Variants in CLSTN2 observed in about 807,000 individuals in gnomAD.
CLSTN2 encodes calsyntenin-2.
In CLSTN2, 48 loss-of-function variants were observed where a neutral mutation model predicts 101.2. That is an observed-to-expected ratio of 0.47 (90% CI 0.38 to 0.60). CLSTN2 has a LOEUF of 0.60. Ranked by LOEUF, CLSTN2 falls within the 20% of genes least tolerant of loss-of-function variation. CLSTN2 has a pLI of 0.00. For synonymous variants in CLSTN2, 481 were observed against 463.6 expected (o/e 1.04, Z -0.48); for missense variants, 1,160 against 1,238.2 (o/e 0.94, Z 0.95).
intron 2 of CLSTN2, among the ~76,000 whole-genome samples, chr3:140,374,632 T>C (rs1208002488): frequency 6.6e-6 from 1 of 152,206 alleles, no homozygotes; most frequent in East Asian, 1.9e-4. Flanking sequence ...AATTTTAATT[T>C]TTAAGACCAA....
At chr3:140,044,136 C>G (rs1166394925) in intron 1 of CLSTN2, among the ~76,000 whole-genome samples, 1 of 152,056 alleles carries the variant, frequency 6.6e-6, no homozygotes, top group African/African-American at 2.4e-5. Context: ...GCCATTTTCA[C>G]GATATTGATT....
intron 7 of CLSTN2, among the ~76,000 whole-genome samples, chr3:140,465,923 A>G (rs1349479951): frequency 6.6e-6 from 1 of 152,224 alleles, no homozygotes; most frequent in Non-Finnish European, 1.5e-5. Context: ...AATTGGTCAA[A>G]GAACATTTCC....
intron 1 of CLSTN2, among the ~76,000 whole-genome samples, chr3:139,954,674 G>T (rs1935357124): frequency 6.6e-6 from 1 of 152,088 alleles, no homozygotes; most frequent in Non-Finnish European, 1.5e-5. Context: ...TATTTTCCCA[G>T]AGCACCTATA....
At chr3:140,556,489 A>G (rs370399132) in intron 10 of CLSTN2, 24 bp from the exon 11 acceptor site, 15 of 1,613,364 alleles carry the variant, frequency 9.3e-6, no homozygotes, top group African/African-American at 1.3e-5. Context: ...ATTCTCTTCC[A>G]TGATGCTCAC....
At chr3:140,459,400 A>C (rs1933498880) in intron 6 of CLSTN2, 121 bp from the exon 7 acceptor site, 1 of 1,119,454 alleles carries the variant, frequency 8.9e-7, no homozygotes, top group East Asian at 2.4e-5. Context: ...CACATAGCTC[A>C]TGGTTAGGCA....
At chr3:140,219,895 C>T (rs1370398142) in intron 2 of CLSTN2, among the ~76,000 whole-genome samples, 1 of 152,196 alleles carries the variant, frequency 6.6e-6, no homozygotes, top group Admixed American at 6.5e-5. Context: ...AGTACTCTCT[C>T]TTTTCTGTAC....
chr3:140,419,671 ATATG>A lies in CLSTN2; in HGVS notation c.638-1450_638-1447del, dbSNP rs1201242099. 3.4e-4 allele frequency among the ~76,000 whole-genome samples: 21 copies of A among 61,926 alleles called. 5 individuals are homozygous for A. Among genetic ancestry groups the A allele is most frequent in the Non-Finnish European group, 5.4e-4 (21 of 39,042 alleles). 40.6% of individuals were successfully genotyped at this position (61,926 alleles called of 152,430 possible). ...TGTACACGTATATATACATATATGA[ATATG>A]TATATACGTATATATACGTATATGA... is the stretch of plus-strand genomic sequence containing the variant. On this transcript the variant is annotated intron_variant, in intron 4 of 16. Transcript: ENST00000458420.
At chr3:140,371,800 G>T (rs1015656096) in intron 2 of CLSTN2, among the ~76,000 whole-genome samples, 1 of 152,294 alleles carries the variant, frequency 6.6e-6, no homozygotes, top group East Asian at 1.9e-4. Flanking sequence ...TGGTCTGGAA[G>T]CTTCACATTA....
chr3:140,243,127 G>A (rs80174111), intron 2 of CLSTN2, among the ~76,000 whole-genome samples: 3 of 152,260 alleles, frequency 2.0e-5, no homozygotes, highest in East Asian at 1.9e-4. Context: ...GGGAATAAAG[G>A]CCTTCTCAAG....
chr3:140,467,140 G>A (rs998690003), intron 8 of CLSTN2, among the ~76,000 whole-genome samples: 1 of 152,184 alleles, frequency 6.6e-6, no homozygotes, highest in African/African-American at 2.4e-5. Flanking sequence ...TGAGGACAGG[G>A]ACTTGAGGGC....
chr3:140,227,922 G>C (rs999147520), intron 2 of CLSTN2, among the ~76,000 whole-genome samples: 3 of 152,202 alleles, frequency 2.0e-5, no homozygotes, highest in South Asian at 2.1e-4. Context: ...GGTACCCTGG[G>C]CCTGGCCCAC....
intron 1 of CLSTN2, among the ~76,000 whole-genome samples, chr3:140,102,752 G>T (rs1200832146): frequency 6.6e-6 from 1 of 152,124 alleles, no homozygotes; most frequent in Non-Finnish European, 1.5e-5. Context: ...CTCTAGTTGT[G>T]GTAGTCAGAA....
chr3:140,361,577 G>A (rs2087730825), intron 2 of CLSTN2, among the ~76,000 whole-genome samples: 3 of 152,098 alleles, frequency 2.0e-5, no homozygotes, highest in Admixed American at 6.5e-5. Flanking sequence ...CCTGGATGTA[G>A]AAAATTCTAG....
chr3:140,388,393 G>A (rs1418967778), intron 2 of CLSTN2, among the ~76,000 whole-genome samples: 2 of 152,214 alleles, frequency 1.3e-5, no homozygotes, highest in African/African-American at 2.4e-5. Context: ...CCTATAAACT[G>A]TGTGTTATTT....
chr3:140,572,161 G>T lies in CLSTN2; in HGVS notation c.*5908G>T, dbSNP rs913149057. 2.6e-5 allele frequency: 4 copies of T among 152,284 alleles called. No homozygotes were observed. The highest frequency in any genetic ancestry group is 5.9e-5 in the Non-Finnish European group (4 of 68,110). The allele number at this position is 152,284 out of a possible 1,614,324, so 9.4% of individuals were successfully genotyped here. On this transcript the variant is annotated 3_prime_UTR_variant, in exon 17 of 17. Transcript: ENST00000458420. ...AGAAGTTTAGTGTTAGGGAGGCAGG[G>T]TAACTTGCTTTGACAGCTACCCACC...
At chr3:139,942,907 A>T (rs953461269) in intron 1 of CLSTN2, among the ~76,000 whole-genome samples, 6 of 152,130 alleles carry the variant, frequency 3.9e-5, no homozygotes, top group Admixed American at 3.9e-4. Flanking sequence ...CTTTCTCAGG[A>T]TCTTGCTTGT....
At chr3:140,170,126 G>A in intron 1 of CLSTN2, among the ~76,000 whole-genome samples, 1 of 152,116 alleles carries the variant, frequency 6.6e-6, no homozygotes, top group African/African-American at 2.4e-5. Flanking sequence ...GTGATCATAG[G>A]AACATGATTC....
At position 140,316,431 on chromosome 3, in the gene CLSTN2, C is replaced by A. The variant is rs554037316; in HGVS notation, c.233-87198C>A. ...TCAGGGGCCAACCATGATGCTAGTA[C>A]AAGTAGGCACCTGCTAAACAGTGCC... On this transcript the variant is annotated intron_variant, in intron 2 of 16. Coordinates refer to ENST00000458420, the MANE Select transcript of CLSTN2 (RefSeq NM_022131.3). 3.9e-5 allele frequency among the ~76,000 whole-genome samples: 6 copies of A among 152,318 alleles called. No homozygotes were observed. In the South Asian group the frequency reaches 1.2e-3, roughly 32 times the overall value.
At chr3:140,560,814 C>T (rs1000358387) in intron 12 of CLSTN2, among the ~76,000 whole-genome samples, 12 of 152,140 alleles carry the variant, frequency 7.9e-5, no homozygotes, top group East Asian at 3.9e-4. Context: ...GACAAGAAGC[C>T]GGCAAAAAAC....
Sources: gnomAD v4.1 joint callset for allele counts (sites outside exome capture counted in the v4.1 genomes callset) on GRCh38, gnomAD v4.1.1 for gene constraint, MANE v1.5 for transcripts, NCBI Gene and HGNC (gene_info 2026-07-23, HGNC 2026-07-21) for gene names.